Variants in SYN2 observed in about 807,000 individuals in gnomAD.
SYN2 encodes synapsin-2.
In SYN2, 19 loss-of-function variants were observed where a neutral mutation model predicts 50.9. That is an observed-to-expected ratio of 0.37 (90% confidence interval 0.26 to 0.55). The LOEUF is 0.55. Among genes scored for constraint, SYN2 ranks in the 20% least tolerant of loss-of-function variants. SYN2 has a pLI of 0.81. For missense variants in SYN2, 587 were observed against 576.4 expected, an observed-to-expected ratio of 1.02 and a Z score of -0.19; for synonymous variants, 255 against 224.9, an observed-to-expected ratio of 1.13 and a Z score of -1.20.
intron 1 of SYN2, among the ~76,000 whole-genome samples, chr3:12,068,243 T>C (rs1421603248): frequency 6.6e-6 from 1 of 151,752 alleles, no homozygotes; most frequent in African/African-American, 2.4e-5. Flanking sequence ...TTGTACTTAT[T>C]GATAGTTTGC....
At chr3:12,168,338 A>G (rs752746394) in intron 8 of SYN2, 38 bp from the exon 9 acceptor site, 1 of 1,575,290 alleles carries the variant, frequency 6.3e-7, no homozygotes, top group Non-Finnish European at 8.7e-7. Context: ...TGGTGAGCGA[A>G]TTGCCCCAGC....
chr3:12,163,682 T>C (rs1444063981), intron 7 of SYN2, among the ~76,000 whole-genome samples: 1 of 152,136 alleles, frequency 6.6e-6, no homozygotes, highest in Non-Finnish European at 1.5e-5. Flanking sequence ...GGCATAGAAT[T>C]TTTTTTTACC....
intron 1 of SYN2, among the ~76,000 whole-genome samples, chr3:12,039,698 G>A (rs546265255): frequency 4.6e-5 from 7 of 152,070 alleles, no homozygotes; most frequent in Non-Finnish European, 8.8e-5. Flanking sequence ...GTAGCTTTAT[G>A]TATGTAGTAA....
At chr3:12,158,337 G>A (rs1356908826) in intron 5 of SYN2, among the ~76,000 whole-genome samples, 2 of 152,146 alleles carry the variant, frequency 1.3e-5, no homozygotes, top group African/African-American at 4.8e-5. Context: ...GGACAGACAC[G>A]GGTAGTTACA....
chr3:12,066,500 C>T (rs1448889109), intron 1 of SYN2, among the ~76,000 whole-genome samples: 1 of 152,092 alleles, frequency 6.6e-6, no homozygotes, highest in Non-Finnish European at 1.5e-5. Context: ...AATATATTCA[C>T]CAAAACTCTT....
intron 10 of SYN2, 54 bp downstream of exon 10, chr3:12,169,960 C>T (rs1166838318): frequency 7.2e-6 from 11 of 1,535,210 alleles, no homozygotes; most frequent in Admixed American, 2.0e-5. Context: ...CAAGCCCACT[C>T]CTCTAGATGT....
intron 1 of SYN2, among the ~76,000 whole-genome samples, chr3:12,076,160 A>ATGC (rs1334737189): frequency 3.3e-5 from 5 of 152,200 alleles, no homozygotes; most frequent in Admixed American, 6.5e-5. Flanking sequence ...TTCTTATGCC[A>ATGC]TGCTGCCTTT....
intron 1 of SYN2, among the ~76,000 whole-genome samples, chr3:12,089,705 GTTAT>G (rs972239993): frequency 9.9e-5 from 15 of 152,112 alleles, no homozygotes; most frequent in African/African-American, 3.4e-4. Context: ...GGAATCCTGG[GTTAT>G]TTGTGTTATA....
At chr3:12,169,578 A>G (rs1697890460) in intron 9 of SYN2, among the ~76,000 whole-genome samples, 179 bp from the exon 10 acceptor site, 1 of 152,196 alleles carries the variant, frequency 6.6e-6, no homozygotes, top group African/African-American at 2.4e-5. Flanking sequence ...AAAGGTTTGT[A>G]GAAGGAAGGG....
intron 1 of SYN2, among the ~76,000 whole-genome samples, chr3:12,006,151 C>A (rs2125127811): frequency 6.6e-6 from 1 of 152,218 alleles, no homozygotes; most frequent in East Asian, 1.9e-4. Flanking sequence ...CTTTGGGAGA[C>A]CCAGAGGGAG....
At chr3:12,146,036 G>A (rs1033305311) in intron 4 of SYN2, among the ~76,000 whole-genome samples, 2 of 152,166 alleles carry the variant, frequency 1.3e-5, no homozygotes, top group African/African-American at 4.8e-5. Flanking sequence ...ACATGGGGGA[G>A]GGCTGGCCAT....
chr3:12,156,199 A>G (rs1697452258), intron 5 of SYN2, among the ~76,000 whole-genome samples: 1 of 152,092 alleles, frequency 6.6e-6, no homozygotes, highest in African/African-American at 2.4e-5. Context: ...CTTTCTAAAT[A>G]TTGTTTTATG....
intron 1 of SYN2, among the ~76,000 whole-genome samples, chr3:12,083,853 C>T (rs1252391842): frequency 6.6e-6 from 1 of 152,174 alleles, no homozygotes; most frequent in Non-Finnish European, 1.5e-5. Flanking sequence ...ACAATATCTC[C>T]ATTCAATCCC....
At chr3:12,180,714 C>A (rs1301461904) in intron 10 of SYN2, among the ~76,000 whole-genome samples, 1 of 152,216 alleles carries the variant, frequency 6.6e-6, no homozygotes, top group Admixed American at 6.5e-5. Context: ...GTGGCCAAAG[C>A]ATATTCCCAG....
At chr3:12,132,575 G>A (rs1036547571) in intron 1 of SYN2, among the ~76,000 whole-genome samples, 10 of 152,200 alleles carry the variant, frequency 6.6e-5, no homozygotes, top group Non-Finnish European at 1.2e-4. Context: ...TATCTTTACA[G>A]ACTGAAGACG....
chr3:12,097,509 G>A (rs1388413729), intron 1 of SYN2, among the ~76,000 whole-genome samples: 1 of 152,014 alleles, frequency 6.6e-6, no homozygotes, highest in East Asian at 1.9e-4. Flanking sequence ...GGGAGGCTGA[G>A]GCAGGAGAAT....
intron 11 of SYN2, chr3:12,183,814 C>T (rs994517837): frequency 4.9e-6 from 5 of 1,025,610 alleles, no homozygotes; most frequent in South Asian, 7.3e-5. Flanking sequence ...AGGGGAGAAA[C>T]GAAAACCACA....
chr3:12,162,148 C>T lies in SYN2; in HGVS notation c.974C>T (p.Ala325Val). ...CAGAAGATTGGCAACAACTACAAGG[C>T]TTACATGTGAGTAAGAGTGGGGTAT... ...RVQKIGNNYKAYMRTSISGNW... is the reference protein window; with the variant it reads ...RVQKIGNNYKVYMRTSISGNW... Residue 325 changes from alanine to valine, a missense_variant, in exon 7 of 13, where the codon GCT (alanine) becomes GTT (valine). Physicochemically the swap from Ala to Val is moderately conservative, Grantham distance 64 (BLOSUM62 0). Transcript: ENST00000621198. The T allele has an allele frequency of 6.2e-7, 1 of 1,614,070 alleles. No individual in the cohort carries two copies. Among genetic ancestry groups the T allele is most frequent in the African/African-American group, 1.3e-5 (1 of 75,022 alleles).
At chr3:12,040,132 A>AT (rs1694580265) in intron 1 of SYN2, among the ~76,000 whole-genome samples, 1 of 152,152 alleles carries the variant, frequency 6.6e-6, no homozygotes, top group African/African-American at 2.4e-5. Flanking sequence ...GACTACATGG[A>AT]TTTTCAGCAC....
Sources: allele counts gnomAD v4.1 joint callset (sites outside exome capture counted in the v4.1 genomes callset), GRCh38; gene constraint gnomAD v4.1.1; transcripts MANE v1.5; gene names NCBI Gene and HGNC (gene_info 2026-07-23, HGNC 2026-07-21).